CSMD1: variants seen among roughly 807,000 people sequenced by gnomAD.
The protein encoded by CSMD1 is CUB and Sushi multiple domains 1.
CSMD1 carries 213 observed loss-of-function variants against 417.5 expected under a neutral mutation model. That is an observed-to-expected ratio of 0.51 (90% confidence interval 0.46 to 0.57). CSMD1 has a LOEUF of 0.57. CSMD1 is among the 20% of genes least tolerant of loss of function. CSMD1 has a pLI of 0.00. For synonymous variants in CSMD1, 2,862 were observed against 1,736.8 expected (o/e 1.65, Z -16.11); for missense variants, 6,923 against 4,529.7 (o/e 1.53, Z -15.17).
intron 3 of CSMD1, among the ~76,000 whole-genome samples, chr8:4,066,117 G>A (rs971076709): frequency 1.3e-5 from 2 of 152,084 alleles, no homozygotes; most frequent in South Asian, 2.1e-4. Flanking sequence ...CCCCTCCTGA[G>A]CCTTTGTTCA....
At chr8:3,091,006 T>G (rs1460477163) in intron 48 of CSMD1, among the ~76,000 whole-genome samples, 5 of 152,104 alleles carry the variant, frequency 3.3e-5, no homozygotes, top group African/African-American at 1.2e-4. Flanking sequence ...TACATTTTGA[T>G]GAGGAATATA....
chr8:3,199,075 C>T (rs1027204269), intron 33 of CSMD1, among the ~76,000 whole-genome samples: 57 of 152,182 alleles, frequency 3.7e-4, no homozygotes, highest in African/African-American at 1.3e-3. Flanking sequence ...TTTTTCAATG[C>T]AAAACAAAAG....
At position 4,881,447 on chromosome 8, in the gene CSMD1, CTATCTATCTATCT is replaced by C. The variant is rs1483580565; in HGVS notation, c.85+112872_85+112884del. Among the ~76,000 whole-genome samples the C allele has an allele frequency of 1.3e-3, 63 of 47,348 alleles. No homozygotes were observed. The East Asian group carries it at 0.016, about 12-fold the overall frequency. 31.1% of individuals were successfully genotyped at this position (47,348 alleles called of 152,430 possible). A position where few individuals can be genotyped will look rare whatever the true frequency, so the allele number is the denominator to read the frequency against. On this transcript the variant is annotated intron_variant, in intron 1 of 69. Coordinates refer to ENST00000635120, the MANE Select transcript of CSMD1 (RefSeq NM_033225.6). ...TCTATCTATCTATCTATCTATCTAT[CTATCTATCTATCT>C]ATCTTGTCTCCCTACATGCAATAAA...
At chr8:4,301,840 G>T (rs375952817) in intron 3 of CSMD1, among the ~76,000 whole-genome samples, 4 of 151,816 alleles carry the variant, frequency 2.6e-5, no homozygotes, top group Non-Finnish European at 2.9e-5. Context: ...AGAAAGCATC[G>T]GTGATTTCAC....
intron 2 of CSMD1, among the ~76,000 whole-genome samples, chr8:4,564,329 T>C (rs1378585893): frequency 3.9e-5 from 6 of 152,192 alleles, no homozygotes; most frequent in Admixed American, 3.9e-4. Flanking sequence ...ATATTTTATT[T>C]TGTCTGTCTA....
chr8:3,976,186 T>C (rs2554713), intron 5 of CSMD1, among the ~76,000 whole-genome samples: 48,276 of 151,890 alleles, frequency 0.32, 7,864 homozygotes, highest in East Asian at 0.41. Context: ...AGATAACTTA[T>C]GCTTATTTTA....
At chr8:3,288,325 G>C (rs1460355087) in intron 25 of CSMD1, among the ~76,000 whole-genome samples, 1 of 147,036 alleles carries the variant, frequency 6.8e-6, no homozygotes, top group African/African-American at 2.7e-5. Flanking sequence ...CATAAAACGA[G>C]GGAGGATTCC....
At chr8:4,836,573 T>A (rs545332472) in intron 1 of CSMD1, among the ~76,000 whole-genome samples, 81 of 152,350 alleles carry the variant, frequency 5.3e-4, no homozygotes, top group African/African-American at 1.9e-3. Flanking sequence ...TTGAACTTTA[T>A]GAATAAGTTT....
intron 49 of CSMD1, among the ~76,000 whole-genome samples, chr8:3,060,239 G>A (rs964796049): frequency 4.0e-5 from 6 of 149,456 alleles, no homozygotes; most frequent in African/African-American, 1.2e-4. Flanking sequence ...TCCACCTCCC[G>A]AGTTCAAGCG....
intron 1 of CSMD1, among the ~76,000 whole-genome samples, chr8:4,960,920 G>C (rs1181054893): frequency 6.6e-6 from 1 of 152,014 alleles, no homozygotes; most frequent in African/African-American, 2.4e-5. Context: ...CAATGCATGT[G>C]GCTGTTACTT....
chr8:4,654,019 G>T (rs76580586), intron 1 of CSMD1, among the ~76,000 whole-genome samples: 1,761 of 152,232 alleles, frequency 0.012, 42 homozygotes, highest in East Asian at 0.1. Flanking sequence ...TTGTAAACCT[G>T]AATTGACTTC....
intron 51 of CSMD1, among the ~76,000 whole-genome samples, chr8:3,020,036 C>G (rs2128969724): frequency 1.3e-5 from 2 of 152,346 alleles, no homozygotes; most frequent in Admixed American, 1.3e-4. Context: ...CAGTAAACCA[C>G]AAGAGGCAGT....
intron 33 of CSMD1, among the ~76,000 whole-genome samples, chr8:3,193,237 T>G (rs1338426048): frequency 6.6e-6 from 1 of 152,222 alleles, no homozygotes; most frequent in Non-Finnish European, 1.5e-5. Flanking sequence ...GGGTCATTTG[T>G]ACACAAGTCA....
At chr8:4,968,123 T>G (rs1288770583) in intron 1 of CSMD1, among the ~76,000 whole-genome samples, 1 of 152,124 alleles carries the variant, frequency 6.6e-6, no homozygotes, top group Non-Finnish European at 1.5e-5. Flanking sequence ...GAAAGAGAAG[T>G]GATTTTTATT....
At chr8:3,999,092 A>T (rs1815457058) in intron 4 of CSMD1, among the ~76,000 whole-genome samples, 1 of 151,180 alleles carries the variant, frequency 6.6e-6, no homozygotes, top group African/African-American at 2.4e-5. Flanking sequence ...AAGTATTTTA[A>T]AATAACATGT....
chr8:3,265,956 T>C (rs567486101), intron 26 of CSMD1, among the ~76,000 whole-genome samples: 2 of 151,914 alleles, frequency 1.3e-5, no homozygotes, highest in African/African-American at 4.8e-5. Context: ...CAGTTTTGGA[T>C]GCGTTATTTT....
rs544596342 is a variant in CSMD1 at position 3,289,955 on chromosome 8, A to T, written c.3951-5609T>A. On this transcript the variant is annotated intron_variant, in intron 25 of 69. Coordinates refer to ENST00000635120, the MANE Select transcript of CSMD1 (RefSeq NM_033225.6). Reference sequence around the variant, plus strand: ...GGTTTTCTTCTAGGGTTTTTATAGTATTAGGTCTAACATTTAAGTCTTTAA... The same window carrying T: ...GGTTTTCTTCTAGGGTTTTTATAGTTTTAGGTCTAACATTTAAGTCTTTAA... 1.3e-3 allele frequency among the ~76,000 whole-genome samples: 192 copies of T among 147,342 alleles called. 3 individuals carry two copies. In the Middle Eastern group the frequency reaches 0.034, roughly 26 times the overall value.
intron 1 of CSMD1, among the ~76,000 whole-genome samples, chr8:4,681,621 G>A (rs1227797718): frequency 2.0e-5 from 3 of 152,112 alleles, no homozygotes; most frequent in Non-Finnish European, 2.9e-5. Flanking sequence ...TTACTCTGTG[G>A]CTTCACTATG....
At chr8:3,831,985 C>T (rs554142448) in intron 5 of CSMD1, among the ~76,000 whole-genome samples, 1 of 152,276 alleles carries the variant, frequency 6.6e-6, no homozygotes, top group East Asian at 1.9e-4. Context: ...TGTGTTGCCA[C>T]CATCCACATT....
Sources: allele counts gnomAD v4.1 joint callset (sites outside exome capture counted in the v4.1 genomes callset), GRCh38; gene constraint gnomAD v4.1.1; transcripts MANE v1.5; gene names NCBI Gene and HGNC (gene_info 2026-07-23, HGNC 2026-07-21).